The following PHKG2 variants were observed in gnomAD, a reference collection of about 807,000 sequenced individuals.
PHKG2 encodes phosphorylase kinase catalytic subunit gamma 2.
PHKG2 carries 28 observed loss-of-function variants against 44.5 expected under a neutral mutation model. That is an observed-to-expected ratio of 0.63 (90% CI 0.47 to 0.86). PHKG2 has a LOEUF of 0.86. Among genes scored for constraint, PHKG2 ranks in the 40% least tolerant of loss-of-function variants. The pLI is 0.00. For missense variants in PHKG2, 498 were observed against 547.5 expected (o/e 0.91, Z 0.90); for synonymous variants, 220 against 211.2 (o/e 1.04, Z -0.36).
Position 30,760,477 on chromosome 16 carries a change from T to A in PHKG2, c.*3380T>A. ...CCCTTGGGAGGGAGAGAGGAGTGAG[T>A]GACAACTGGGCCTCCTTTCATCACC... On this transcript the variant is annotated 3_prime_UTR_variant, in exon 10 of 10. Coordinates refer to ENST00000563588, the MANE Select transcript of PHKG2 (RefSeq NM_000294.3). The A allele has an allele frequency of 6.2e-7, 1 of 1,612,850 alleles. No homozygotes were observed. Among genetic ancestry groups the A allele is most frequent in the Non-Finnish European group, 8.5e-7 (1 of 1,179,242 alleles).
chr16:30,756,840 G>A lies in PHKG2; in HGVS notation c.964G>A (p.Ala322Thr). 1 of 1,614,116 alleles carries A rather than the reference G, an allele frequency of 6.2e-7. No homozygotes were observed. Among genetic ancestry groups the A allele is most frequent in the South Asian group, 1.1e-5 (1 of 91,084 alleles). The stretch of plus-strand genomic sequence containing the variant: ...GACAGTGCTGGCTGCTGGACGAGTG[G>A]CCCTAAGCACCCATCGTGTACGGCC... ...VWTVLAAGRV[A>T]LSTHRVRPLT... is the part of the protein sequence containing the mutation. The change falls in exon 10 of 10, where the codon GCC becomes ACC. Residue 322 changes from alanine (A) to threonine (T), a missense_variant. By Grantham distance (58) the Ala-to-Thr change is moderately conservative. Transcript: ENST00000563588.
rs780257752 is a variant in PHKG2, at chr16:30,751,590, C to T, written c.313C>T (p.Leu105=). 1.9e-6 allele frequency: 3 copies of T among 1,613,770 alleles called. No individual in the cohort carries two copies. The highest frequency in any genetic ancestry group is 1.7e-5 in the Admixed American group (1 of 60,014). The change falls in exon 4 of 10, where the codon CTG becomes TTG. Residue 105 remains leucine, a synonymous_variant. Coordinates refer to ENST00000563588, the MANE Select transcript of PHKG2 (RefSeq NM_000294.3). ...CTACGAGTCTTCTAGCTTCATGTTC[C>T]TGGTGTTTGACCTGTGAGTATCTCC... The part of the protein sequence containing the change: ...DSYESSSFMF[L]VFDLMRKGEL...
chr16:30,760,152 T>C lies in PHKG2; in HGVS notation c.*3055T>C. ...GCAGTGGATTGGAAAGCTGATGGCT[T>C]GTGTATGATGATGCTACTAATAATG... On this transcript the variant is annotated 3_prime_UTR_variant, in exon 10 of 10. Transcript: ENST00000563588. The C allele has an allele frequency of 6.3e-7, 1 of 1,579,550 alleles. No individual in the cohort carries two copies. The highest frequency in any genetic ancestry group is 2.3e-5 in the East Asian group (1 of 43,128).
rs1367521027 is a variant in PHKG2, at chr16:30,756,945, C to T, written c.1069C>T (p.Leu357Phe). The change falls in exon 10 of 10, where the codon CTC (leucine) becomes TTC (phenylalanine). Residue 357 changes from leucine to phenylalanine, a missense_variant. Transcript: ENST00000563588. ...CCTCATCGACAACTGTGCCTTCCGG[C>T]TCTACGGGCACTGGGTAAAGAAAGG... ...RHLIDNCAFR[L>F]YGHWVKKGEQ... The T allele has an allele frequency of 6.8e-6, 11 of 1,613,748 alleles. No homozygotes were observed. Among genetic ancestry groups the T allele is most frequent in the African/African-American group, 1.3e-5 (1 of 75,062 alleles).
At position 30,756,019 on chromosome 16, in the gene PHKG2, C is replaced by T. The variant is rs8054528; in HGVS notation, c.557-163C>T. 3.8e-3 allele frequency among the ~76,000 whole-genome samples: 583 copies of T among 152,192 alleles called. 2 individuals carry two copies. The highest frequency in any genetic ancestry group is 0.013 in the African/African-American group (559 of 41,508). The stretch of plus-strand genomic sequence containing the variant: ...AGGAGCCATGGTGAGCCAACTGTTG[C>T]GCAGGGATAGTGCCTCAGCAGGAGA... On this transcript the variant is annotated intron_variant, in intron 6 of 9. Transcript: ENST00000563588.
rs576593404 is a variant in PHKG2, at chr16:30,757,623, C to T, written c.*526C>T. On this transcript the variant is annotated 3_prime_UTR_variant, in exon 10 of 10. Transcript: ENST00000563588. ...GCTCCAGCTCTTTGTTCACTTGGGT[C>T]TTGATGTAGGCTCGGAGGACGTGGA... The T allele has an allele frequency of 7.8e-5, 126 of 1,613,952 alleles. No homozygotes were observed. Among genetic ancestry groups the T allele is most frequent in the Admixed American group, 1.3e-4 (8 of 60,004 alleles).
In PHKG2 at chr16:30,760,978, G is replaced by A. The variant is rs1316090255; in HGVS notation, c.*3881G>A. On this transcript the variant is annotated 3_prime_UTR_variant, in exon 10 of 10. Coordinates refer to ENST00000563588, the MANE Select transcript of PHKG2 (RefSeq NM_000294.3). ...CTGTACAATACTCCTTAGCGGCCATGAGACTCCATTTACATTCTGTCTTTG... is the reference window on the plus strand; with the variant it reads ...CTGTACAATACTCCTTAGCGGCCATAAGACTCCATTTACATTCTGTCTTTG... 2 of 618,558 alleles carry A rather than the reference G, an allele frequency of 3.2e-6. No homozygotes were observed. The highest frequency in any genetic ancestry group is 5.7e-6 in the Non-Finnish European group (2 of 353,524). 38.3% of individuals were successfully genotyped at this position (618,558 alleles called of 1,614,324 possible).
chr16:30,749,492 C>T (rs2053316782), intron 2 of PHKG2, among the ~76,000 whole-genome samples: 2 of 152,086 alleles, frequency 1.3e-5, no homozygotes, highest in African/African-American at 4.8e-5. Context: ...GGATTACAGG[C>T]GCGCGCCACC....
chr16:30,753,903 C>T (rs1180861430), intron 6 of PHKG2, among the ~76,000 whole-genome samples: 1 of 152,196 alleles, frequency 6.6e-6, no homozygotes, highest in East Asian at 1.9e-4. Context: ...GAGTGCAGGA[C>T]CACAAGAGCC....
rs2053669095 is a variant in PHKG2 at position 30,760,318 on chromosome 16, A to G, written c.*3221A>G. On this transcript the variant is annotated 3_prime_UTR_variant, in exon 10 of 10. Transcript: ENST00000563588. ...CCTTGTGAAGATCCTGGAGCAGGGC[A>G]CAAGCCGCTGACGTCTGCTCCAGTG... is the stretch of plus-strand genomic sequence containing the variant. 1 of 1,614,050 alleles carries G rather than the reference A, an allele frequency of 6.2e-7. No individual in the cohort carries two copies. Among genetic ancestry groups the G allele is most frequent in the Admixed American group, 1.7e-5 (1 of 60,000 alleles).
At chr16:30,749,383 T>C (rs2053315138) in intron 2 of PHKG2, among the ~76,000 whole-genome samples, 1 of 152,212 alleles carries the variant, frequency 6.6e-6, no homozygotes, top group African/African-American at 2.4e-5. Context: ...AGTCTCGCTC[T>C]GTCGCCCAGG....
At position 30,753,415 on chromosome 16, in the gene PHKG2, G is replaced by C; in HGVS notation, c.414G>C (p.Leu138=). ...KETRSIMRSL[L]EAVSFLHANN... is the part of the protein sequence containing the mutation. ...CCAGGTCCATCATGCGGTCTCTGCT[G>C]GAAGCAGTGAGCTTTCTCCATGCCA... is the stretch of plus-strand genomic sequence containing the variant. Residue 138 remains leucine (L), a synonymous_variant, in exon 6 of 10, where the codon CTG becomes CTC. Coordinates refer to ENST00000563588, the MANE Select transcript of PHKG2 (RefSeq NM_000294.3). The C allele has an allele frequency of 6.2e-7, 1 of 1,614,200 alleles. No homozygotes were observed.
At position 30,759,922 on chromosome 16, in the gene PHKG2, C is replaced by CA. The variant is rs1361210717; in HGVS notation, c.*2826dup. ...GTATGGTTTTCGGCACTGAACAAGA[C>CA]AGACAAGGTCCTGCCCTTACGAAGC... On this transcript the variant is annotated 3_prime_UTR_variant, in exon 10 of 10. Transcript: ENST00000563588. The CA allele has an allele frequency of 1.4e-6, 2 of 1,440,190 alleles. No homozygotes were observed. Among genetic ancestry groups the CA allele is most frequent in the African/African-American group, 2.9e-5 (2 of 69,740 alleles). 89.2% of individuals were successfully genotyped at this position (1,440,190 alleles called of 1,614,324 possible).
In PHKG2 at chr16:30,759,461, G is replaced by A; in HGVS notation, c.*2364G>A. 1 of 1,614,242 alleles carries A rather than the reference G, an allele frequency of 6.2e-7. No individual in the cohort carries two copies. Among genetic ancestry groups the A allele is most frequent in the Non-Finnish European group, 8.5e-7 (1 of 1,180,038 alleles). ...AGGTCGATGCTGAAAGGAGGCCGCT[G>A]TGGTGGTGACTCGGAATTAGAACCC... is the stretch of plus-strand genomic sequence containing the variant. On this transcript the variant is annotated 3_prime_UTR_variant, in exon 10 of 10. Transcript: ENST00000563588.
Position 30,760,169 on chromosome 16 carries a change from C to T in PHKG2, c.*3072C>T, listed in dbSNP as rs2053656289. On this transcript the variant is annotated 3_prime_UTR_variant, in exon 10 of 10. Transcript: ENST00000563588. ...TGATGGCTTGTGTATGATGATGCTA[C>T]TAATAATGACATATTCCAGGCAGAA... is the stretch of plus-strand genomic sequence containing the variant. 3 of 1,596,480 alleles carry T rather than the reference C, an allele frequency of 1.9e-6. No homozygotes were observed. The Admixed American group carries it at 5.1e-5, about 27-fold the overall frequency.
chr16:30,759,391 T>A lies in PHKG2; in HGVS notation c.*2294T>A. On this transcript the variant is annotated 3_prime_UTR_variant, in exon 10 of 10. Coordinates refer to ENST00000563588, the MANE Select transcript of PHKG2 (RefSeq NM_000294.3). ...GAGCTTGAAGTGGCGGAAGTAAGTG[T>A]TGACCACGTAGTCTTCCAAGGCCAG... 1 of 1,614,212 alleles carries A rather than the reference T, an allele frequency of 6.2e-7. No individual in the cohort carries two copies.
At position 30,761,096 on chromosome 16, in the gene PHKG2, G is replaced by T; in HGVS notation, c.*3999G>T. Reference sequence around the variant, plus strand: ...GGAGTAATTGCATCTCCAGGCCTCAGTCTCATCTGTAAAATGGGGATGCCC... The same window carrying T: ...GGAGTAATTGCATCTCCAGGCCTCATTCTCATCTGTAAAATGGGGATGCCC... On this transcript the variant is annotated 3_prime_UTR_variant, in exon 10 of 10. Transcript: ENST00000563588. The T allele has an allele frequency of 1.5e-6, 2 of 1,359,418 alleles. No homozygotes were observed. The highest frequency in any genetic ancestry group is 1.9e-5 in the Admixed American group (1 of 52,908). 84.2% of individuals were successfully genotyped at this position (1,359,418 alleles called of 1,614,324 possible).
At chr16:30,753,632 G>A in intron 6 of PHKG2, 75 bp downstream of exon 6, 3 of 1,427,002 alleles carry the variant, frequency 2.1e-6, no homozygotes, top group East Asian at 2.3e-5. Context: ...CTGGGTCTGA[G>A]TACCAAGTCC....
intron 4 of PHKG2, chr16:30,752,357 AC>A (rs1339528074): frequency 1.3e-5 from 2 of 148,408 alleles, no homozygotes; most frequent in Non-Finnish European, 3.0e-5. Flanking sequence ...GTGCCATTGC[AC>A]TCCAGCCTGG....
Sources: allele counts gnomAD v4.1 joint callset (sites outside exome capture counted in the v4.1 genomes callset), GRCh38; gene constraint gnomAD v4.1.1; transcripts MANE v1.5; gene names NCBI Gene and HGNC (gene_info 2026-07-23, HGNC 2026-07-21).